Variants in PSMA5 observed in about 807,000 individuals in gnomAD.
The protein encoded by PSMA5 is proteasome 20S subunit alpha 5, also known as proteasome subunit alpha type-5.
A neutral mutation model predicts 34.5 loss-of-function variants in PSMA5; 3 were observed. The ratio of observed to expected loss-of-function variants is 0.09; its 90% CI spans 0.04 to 0.22. The LOEUF (loss-of-function observed/expected upper bound fraction) is 0.22, where lower values mean the gene tolerates loss of function less well. PSMA5 is among the 10% of genes least tolerant of loss of function. PSMA5 has a pLI of 1.00. For missense variants in PSMA5, 120 were observed against 286.1 expected (o/e 0.42, Z 4.19); for synonymous variants, 88 against 95.8 (o/e 0.92, Z 0.47).
Position 109,415,379 on chromosome 1 carries a change from T to C in PSMA5, c.97-16A>G. On this transcript the variant is annotated splice_polypyrimidine_tract_variant and intron_variant, in intron 2 of 8. Transcript: ENST00000271308. ...TAGAACCAAGCTAAAGAGAAACATG[T>C]TATGATTACCATATATAGGTCAAAT... The C allele has an allele frequency of 6.2e-7, 1 of 1,609,986 alleles. No homozygotes were observed. Among genetic ancestry groups the C allele is most frequent in the Non-Finnish European group, 8.5e-7 (1 of 1,177,682 alleles).
At chr1:109,403,929 A>G (rs1292195692) in intron 8 of PSMA5, among the ~76,000 whole-genome samples, 2 of 152,216 alleles carry the variant, frequency 1.3e-5, no homozygotes, top group Admixed American at 6.5e-5. Context: ...AAATGTCAGA[A>G]AAGTCCCAAA....
intron 8 of PSMA5, among the ~76,000 whole-genome samples, chr1:109,406,335 G>C (rs1653761189): frequency 6.6e-6 from 1 of 152,180 alleles, no homozygotes; most frequent in South Asian, 2.1e-4. Flanking sequence ...GAAAAAATAG[G>C]ATGGATGAGA....
At chr1:109,412,425 A>G (rs1277066616) in intron 4 of PSMA5, 2 of 431,556 alleles carry the variant, frequency 4.6e-6, no homozygotes, top group Middle Eastern at 1.2e-3. Context: ...CTTGAAAAAG[A>G]GGGTTATGCC....
chr1:109,423,657 T>C (rs533013209), intron 1 of PSMA5, among the ~76,000 whole-genome samples: 8 of 152,358 alleles, frequency 5.3e-5, no homozygotes, highest in African/African-American at 1.9e-4. Context: ...GTTCCCAACA[T>C]ACGAAGTTCT....
chr1:109,401,368 G>A lies in PSMA5; in HGVS notation c.*645C>T, dbSNP rs1653513824. Reference sequence around the variant, plus strand: ...TTCCAACCCATCAATGTTTTGAGGAGGACCTCAAAACATGTTCTTCTGATA... The same window carrying A: ...TTCCAACCCATCAATGTTTTGAGGAAGACCTCAAAACATGTTCTTCTGATA... On this transcript the variant is annotated 3_prime_UTR_variant, in exon 9 of 9. Coordinates refer to ENST00000271308, the MANE Select transcript of PSMA5 (RefSeq NM_002790.4). 2 of 152,190 alleles carry A rather than the reference G, an allele frequency of 1.3e-5. No homozygotes were observed. Among genetic ancestry groups the A allele is most frequent in the South Asian group, 2.1e-4 (1 of 4,812 alleles). 9.4% of individuals were successfully genotyped at this position (152,190 alleles called of 1,614,324 possible).
intron 8 of PSMA5, among the ~76,000 whole-genome samples, chr1:109,402,871 A>G (rs1653594490): frequency 6.6e-6 from 1 of 151,882 alleles, no homozygotes; most frequent in Non-Finnish European, 1.5e-5. Flanking sequence ...ACACCCGGCT[A>G]ATTTTGTATT....
intron 8 of PSMA5, among the ~76,000 whole-genome samples, chr1:109,402,640 TA>T (rs1419567677): frequency 6.6e-6 from 1 of 152,214 alleles, no homozygotes; most frequent in East Asian, 1.9e-4. Flanking sequence ...AATCATTAAC[TA>T]TTGTCAGGTA....
In PSMA5 at chr1:109,409,916, A is replaced by G; in HGVS notation, c.648+12T>C. On this transcript the variant is annotated intron_variant, in intron 8 of 8. Coordinates refer to ENST00000271308, the MANE Select transcript of PSMA5 (RefSeq NM_002790.4). ...AAAACCGAAAAAAATCCAACAATAA[A>G]ACAGAAAGTACCTCAATGTTTGTTG... The G allele has an allele frequency of 1.9e-6, 3 of 1,572,282 alleles. No individual in the cohort carries two copies. Among genetic ancestry groups the G allele is most frequent in the Non-Finnish European group, 2.6e-6 (3 of 1,154,774 alleles).
rs1653388775 is a variant in PSMA5 at position 109,399,058 on chromosome 1, T to TTCCC, written c.*2954_*2955insGGGA. ...ACACTCAAAGCAAGTAAAGATTACT[T>TTCCC]TTAATTATAAACTGGCCATAAACCC... On this transcript the variant is annotated 3_prime_UTR_variant, in exon 9 of 9. Transcript: ENST00000271308. 1 of 152,202 alleles carries TTCCC rather than the reference T, an allele frequency of 6.6e-6. No individual in the cohort carries two copies. Among genetic ancestry groups the TTCCC allele is most frequent in the African/African-American group, 2.4e-5 (1 of 41,440 alleles). 9.4% of individuals were successfully genotyped at this position (152,202 alleles called of 1,614,324 possible). A position where few individuals can be genotyped will look rare whatever the true frequency, so the allele number is the denominator to read the frequency against.
Position 109,399,577 on chromosome 1 carries a change from T to C in PSMA5, c.*2436A>G, listed in dbSNP as rs979480150. The C allele has an allele frequency of 6.6e-6, 1 of 152,204 alleles. No individual in the cohort carries two copies. The highest frequency in any genetic ancestry group is 2.4e-5 in the African/African-American group (1 of 41,450). The allele number at this position is 152,204 out of a possible 1,614,324, so 9.4% of individuals were successfully genotyped here. On this transcript the variant is annotated 3_prime_UTR_variant, in exon 9 of 9. Transcript: ENST00000271308. ...GCCACCTCCTGGAGAAATTACCAAA[T>C]ACACTTTTAAACGCTATTAAATTTG...
chr1:109,410,055 A>G (rs867930350), intron 7 of PSMA5, 41 bp from the exon 8 acceptor site: 3 of 1,273,494 alleles, frequency 2.4e-6, no homozygotes, highest in African/African-American at 3.0e-5. Flanking sequence ...TTAATTATGC[A>G]CAATCCGTCC....
At chr1:109,418,363 A>T (rs150836847) in intron 2 of PSMA5, among the ~76,000 whole-genome samples, 2 of 152,228 alleles carry the variant, frequency 1.3e-5, no homozygotes, top group East Asian at 3.9e-4. Context: ...GTTGCCCACG[A>T]TGGAGTGCAG....
At chr1:109,418,470 T>G (rs1282322232) in intron 2 of PSMA5, among the ~76,000 whole-genome samples, 1 of 152,166 alleles carries the variant, frequency 6.6e-6, no homozygotes, top group Admixed American at 6.5e-5. Context: ...TGTACACTAC[T>G]ACACTCAACT....
At chr1:109,407,659 GAC>G (rs1433696454) in intron 8 of PSMA5, among the ~76,000 whole-genome samples, 4 of 151,952 alleles carry the variant, frequency 2.6e-5, no homozygotes, top group African/African-American at 9.7e-5. Flanking sequence ...TATTTTTTGA[GAC>G]AGAGTTTCGT....
intron 8 of PSMA5, among the ~76,000 whole-genome samples, chr1:109,405,937 T>C (rs1231909458): frequency 6.6e-6 from 1 of 152,040 alleles, no homozygotes; most frequent in Non-Finnish European, 1.5e-5. Flanking sequence ...AGAAGGGACA[T>C]GGATTTGGGA....
rs142419989 is a variant in PSMA5 at position 109,404,529 on chromosome 1, CAGA to C, written c.649-2442_649-2440del. 5.0e-3 allele frequency among the ~76,000 whole-genome samples: 764 copies of C among 152,226 alleles called. 10 individuals are homozygous for C. The highest frequency in any genetic ancestry group is 0.018 in the African/African-American group (733 of 41,546). ...GAAAACTCTGAGTGGAACAGTCCTA[CAGA>C]AGAACTGGAACGCAAATCAATACTA... On this transcript the variant is annotated intron_variant, in intron 8 of 8. Transcript: ENST00000271308.
chr1:109,406,844 C>T (rs1017279371), intron 8 of PSMA5, among the ~76,000 whole-genome samples: 6 of 151,882 alleles, frequency 4.0e-5, no homozygotes, highest in East Asian at 3.9e-4. Flanking sequence ...TGTCAACATC[C>T]GCTGAATTGT....
intron 8 of PSMA5, among the ~76,000 whole-genome samples, chr1:109,407,091 T>G (rs990185357): frequency 6.6e-6 from 1 of 152,102 alleles, no homozygotes; most frequent in Admixed American, 6.6e-5. Context: ...GGGTTCACAC[T>G]TCTCCTGCCT....
At chr1:109,411,221 AC>A in intron 6 of PSMA5, 108 bp from the exon 7 acceptor site, 1 of 693,802 alleles carries the variant, frequency 1.4e-6, no homozygotes, top group East Asian at 2.8e-5. Context: ...CAGCCAGGAA[AC>A]ACCACTGAAA....
Sources: gnomAD v4.1 joint callset for allele counts (sites outside exome capture counted in the v4.1 genomes callset) on GRCh38, gnomAD v4.1.1 for gene constraint, MANE v1.5 for transcripts, NCBI Gene and HGNC (gene_info 2026-07-23, HGNC 2026-07-21) for gene names.